TMTC1: variants seen among roughly 807,000 people sequenced by gnomAD.
TMTC1 encodes protein O-mannosyl-transferase TMTC1.
A neutral mutation model predicts 104.8 loss-of-function variants in TMTC1; 73 were observed. The ratio of observed to expected loss-of-function variants is 0.70; its 90% CI spans 0.58 to 0.85. The LOEUF (loss-of-function observed/expected upper bound fraction) is 0.85, where lower values mean the gene tolerates loss of function less well. Among genes scored for constraint, TMTC1 ranks in the 40% least tolerant of loss-of-function variants. The probability of loss-of-function intolerance (pLI) is 0.00; values close to 1 mark genes in which losing one functional copy is unlikely to be tolerated. For missense variants in TMTC1, 1,035 were observed against 1,096.1 expected, an observed-to-expected ratio of 0.94 and a Z score of 0.79; for synonymous variants, 434 against 428.7, an observed-to-expected ratio of 1.01 and a Z score of -0.15.
chr12:29,513,321 CAT>C (rs35723373), intron 16 of TMTC1, among the ~76,000 whole-genome samples: 11,013 of 148,390 alleles, frequency 0.074, 499 homozygotes, highest in African/African-American at 0.13. Context: ...AATCAATGGC[CAT>C]ATATATATAT....
intron 9 of TMTC1, among the ~76,000 whole-genome samples, chr12:29,566,893 C>G (rs1221478202): frequency 1.3e-5 from 2 of 152,132 alleles, no homozygotes; most frequent in African/African-American, 4.8e-5. Flanking sequence ...TGTAAAGTTC[C>G]CCTTCAAGGC....
intron 2 of TMTC1, 122 bp from the exon 3 acceptor site, chr12:29,758,899 T>C (rs1010900814): frequency 4.8e-6 from 4 of 832,126 alleles, no homozygotes; most frequent in Non-Finnish European, 7.1e-6. Flanking sequence ...AAAATAGAAA[T>C]CTCACTGTTC....
intron 9 of TMTC1, 124 bp downstream of exon 9, chr12:29,571,981 C>A: frequency 1.4e-6 from 1 of 709,134 alleles, no homozygotes; most frequent in East Asian, 2.7e-5. Context: ...TACCCCACCT[C>A]CAAGGATCAG....
At chr12:29,662,572 C>T (rs1449984819) in intron 5 of TMTC1, among the ~76,000 whole-genome samples, 1 of 150,950 alleles carries the variant, frequency 6.6e-6, no homozygotes, top group Non-Finnish European at 1.5e-5. Flanking sequence ...ATCATTTGAA[C>T]CCGGGAGGCG....
In TMTC1 at chr12:29,503,578, T is replaced by G. The variant is rs913469313; in HGVS notation, c.*3268A>C. 1 of 152,126 alleles carries G rather than the reference T, an allele frequency of 6.6e-6. No individual in the cohort carries two copies. Among genetic ancestry groups the G allele is most frequent in the Non-Finnish European group, 1.5e-5 (1 of 68,028 alleles). The allele number at this position is 152,126 out of a possible 1,614,324, so 9.4% of individuals were successfully genotyped here. Reference sequence around the variant, plus strand: ...ATGGACTGGAAAAAGAGGGGTGATATATACATGAGGAACTCTAAATGTAGC... The same window carrying G: ...ATGGACTGGAAAAAGAGGGGTGATAGATACATGAGGAACTCTAAATGTAGC... On this transcript the variant is annotated 3_prime_UTR_variant, in exon 18 of 18. Transcript: ENST00000539277.
intron 7 of TMTC1, among the ~76,000 whole-genome samples, chr12:29,595,310 C>T (rs1245726065): frequency 1.3e-5 from 2 of 152,330 alleles, no homozygotes; most frequent in East Asian, 1.9e-4. Flanking sequence ...CTGAGCACAA[C>T]ACATTGGCCA....
chr12:29,741,750 T>C (rs904806899), intron 5 of TMTC1, among the ~76,000 whole-genome samples: 2 of 152,222 alleles, frequency 1.3e-5, no homozygotes, highest in Non-Finnish European at 2.9e-5. Flanking sequence ...GTTTTAATGC[T>C]CAAGACATTC....
intron 17 of TMTC1, among the ~76,000 whole-genome samples, chr12:29,510,472 T>C (rs1943802413): frequency 6.6e-6 from 1 of 152,150 alleles, no homozygotes; most frequent in African/African-American, 2.4e-5. Flanking sequence ...ATTCTATGTT[T>C]CCCAGCTAGA....
chr12:29,722,460 A>C (rs1008485139), intron 5 of TMTC1, among the ~76,000 whole-genome samples: 1 of 152,222 alleles, frequency 6.6e-6, no homozygotes, highest in African/African-American at 2.4e-5. Context: ...GTAATGACAA[A>C]GCTGCCTTCT....
At position 29,745,618 on chromosome 12, in the gene TMTC1, C is replaced by CAAAAAAAAAAA. The variant is rs71444341; in HGVS notation, c.938+6037_938+6047dup. Among the ~76,000 whole-genome samples the CAAAAAAAAAAA allele has an allele frequency of 3.1e-4, 26 of 84,534 alleles. 3 individuals are homozygous for CAAAAAAAAAAA. Among genetic ancestry groups the CAAAAAAAAAAA allele is most frequent in the South Asian group, 4.9e-4 (1 of 2,032 alleles). 55.5% of individuals were successfully genotyped at this position (84,534 alleles called of 152,430 possible). On this transcript the variant is annotated intron_variant, in intron 5 of 17. Transcript: ENST00000539277. ...CCTGAGCAACAGAGCGAGACTCAATCAAAAAAAAAAAAAAAAAAAAAGAAA... is the reference window on the plus strand; with the variant it reads ...CCTGAGCAACAGAGCGAGACTCAATCAAAAAAAAAAAAAAAAAAAAAAAAAAAAAAAAGAAA...
chr12:29,758,919 T>C, intron 2 of TMTC1, 142 bp from the exon 3 acceptor site: 1 of 710,616 alleles, frequency 1.4e-6, no homozygotes, highest in Non-Finnish European at 2.2e-6. Context: ...CTTCAAGTTC[T>C]GATATATGGC....
intron 9 of TMTC1, among the ~76,000 whole-genome samples, chr12:29,557,921 T>C (rs1945287747): frequency 6.6e-6 from 1 of 152,122 alleles, no homozygotes; most frequent in African/African-American, 2.4e-5. Context: ...CCTGTCCTAG[T>C]ACAGTCTCAG....
At chr12:29,527,425 G>A (rs1367651652) in intron 11 of TMTC1, among the ~76,000 whole-genome samples, 1 of 152,170 alleles carries the variant, frequency 6.6e-6, no homozygotes, top group Non-Finnish European at 1.5e-5. Context: ...GCTGTGGGAG[G>A]AGAAGCACAA....
At chr12:29,744,335 C>T (rs138417125) in intron 5 of TMTC1, among the ~76,000 whole-genome samples, 1 of 152,282 alleles carries the variant, frequency 6.6e-6, no homozygotes, top group African/African-American at 2.4e-5. Flanking sequence ...ACCAACATGG[C>T]ACATGTATAC....
intron 1 of TMTC1, among the ~76,000 whole-genome samples, chr12:29,770,883 G>A: frequency 6.6e-6 from 1 of 152,112 alleles, no homozygotes; most frequent in East Asian, 1.9e-4. Context: ...TTCACAAAAA[G>A]GGGGTTCACT....
intron 9 of TMTC1, among the ~76,000 whole-genome samples, 199 bp downstream of exon 9, chr12:29,571,906 A>T (rs919239742): frequency 2.0e-5 from 3 of 152,248 alleles, no homozygotes; most frequent in African/African-American, 7.2e-5. Flanking sequence ...ACTTACACGC[A>T]AGGTAGAGTT....
chr12:29,743,506 C>A (rs1267207004), intron 5 of TMTC1, among the ~76,000 whole-genome samples: 1 of 151,718 alleles, frequency 6.6e-6, no homozygotes, highest in Non-Finnish European at 1.5e-5. Context: ...TTCCAAACCT[C>A]TTCAATTTTT....
chr12:29,582,267 T>A (rs890609729), intron 8 of TMTC1, among the ~76,000 whole-genome samples: 25 of 152,192 alleles, frequency 1.6e-4, no homozygotes, highest in African/African-American at 6.0e-4. Context: ...CAGAGATTAT[T>A]CCCCCTTCTT....
intron 5 of TMTC1, among the ~76,000 whole-genome samples, chr12:29,644,516 T>A (rs1258179643): frequency 1.3e-5 from 2 of 151,362 alleles, no homozygotes; most frequent in Non-Finnish European, 2.9e-5. Context: ...CTATGGAAAA[T>A]TAAAAAAACA....
Sources: allele counts gnomAD v4.1 joint callset (sites outside exome capture counted in the v4.1 genomes callset), GRCh38; gene constraint gnomAD v4.1.1; transcripts MANE v1.5; gene names NCBI Gene and HGNC (gene_info 2026-07-23, HGNC 2026-07-21).